DPYD: variants seen among roughly 807,000 people sequenced by gnomAD.
DPYD encodes the protein dihydropyrimidine dehydrogenase [NADP(+)].
A neutral mutation model predicts 116.2 loss-of-function variants in DPYD; 109 were observed. That is an observed-to-expected ratio of 0.94 (90% CI 0.80 to 1.10). The LOEUF (loss-of-function observed/expected upper bound fraction) is 1.10. DPYD is among the 50% of genes least tolerant of loss of function. The probability of loss-of-function intolerance (pLI) is 0.00; values close to 1 mark genes in which losing one functional copy is unlikely to be tolerated. For synonymous variants in DPYD, 440 were observed against 432.0 expected, an observed-to-expected ratio of 1.02 and a Z score of -0.23; for missense variants, 1,302 against 1,254.5, an observed-to-expected ratio of 1.04 and a Z score of -0.57.
At chr1:97,308,329 T>C (rs529272492) in intron 16 of DPYD, 3 of 151,950 alleles carry the variant, frequency 2.0e-5, no homozygotes, top group African/African-American at 7.2e-5. Context: ...ATGAGTAAAT[T>C]TGACCCTCCA....
At chr1:97,116,063 G>C (rs1291599804) in intron 20 of DPYD, among the ~76,000 whole-genome samples, 6 of 152,092 alleles carry the variant, frequency 3.9e-5, no homozygotes, top group Non-Finnish European at 8.8e-5. Flanking sequence ...TATAATGTTA[G>C]CTTTTATTAG....
At position 97,689,037 on chromosome 1, in the gene DPYD, G is replaced by A. The variant is rs1229825324; in HGVS notation, c.762+2680C>T. On this transcript the variant is annotated intron_variant, in intron 7 of 22. Transcript: ENST00000370192. ...ATATGATTAAAAATCCCATTTCAGA[G>A]ACAAGAAAAAGAATTCCATGTATTA... is the stretch of plus-strand genomic sequence containing the variant. Among the ~76,000 whole-genome samples the A allele has an allele frequency of 2.0e-5, 3 of 147,548 alleles. No individual in the cohort carries two copies. The South Asian group carries it at 6.4e-4, about 32-fold the overall frequency.
At chr1:97,355,511 CCTGT>C (rs950194687) in intron 16 of DPYD, among the ~76,000 whole-genome samples, 9 of 152,158 alleles carry the variant, frequency 5.9e-5, no homozygotes, top group Non-Finnish European at 7.4e-5. Context: ...CCTTATTATT[CCTGT>C]CTAATTGAGA....
rs112673052 is a variant in DPYD at position 97,720,482 on chromosome 1, C to T, written c.483+1028G>A. The T allele has an allele frequency of 3.4e-4, 334 of 992,544 alleles. 2 individuals carry two copies. The highest frequency in any genetic ancestry group is 1.2e-4 in the Admixed American group (2 of 16,274). The allele number at this position is 992,544 out of a possible 1,614,324, so 61.5% of individuals were successfully genotyped here. ...ATTTGGTAAGAAAAGAAATTAAATC[C>T]CAGAATTTATTGCAACAATCCACAA... is the stretch of plus-strand genomic sequence containing the variant. On this transcript the variant is annotated intron_variant, in intron 5 of 22. Coordinates refer to ENST00000370192, the MANE Select transcript of DPYD (RefSeq NM_000110.4).
chr1:97,655,557 T>C (rs1362627771), intron 8 of DPYD, among the ~76,000 whole-genome samples: 1 of 152,222 alleles, frequency 6.6e-6, no homozygotes, highest in African/African-American at 2.4e-5. Context: ...GCTTTGCTTT[T>C]GCTTAAACAA....
At chr1:97,792,705 T>C (rs536427155) in intron 3 of DPYD, among the ~76,000 whole-genome samples, 19 of 152,256 alleles carry the variant, frequency 1.2e-4, no homozygotes, top group Middle Eastern at 6.8e-3. Flanking sequence ...CCCATAAAAT[T>C]TCATGAAAAT....
At chr1:97,866,455 A>T (rs762469352) in intron 2 of DPYD, among the ~76,000 whole-genome samples, 6 of 151,920 alleles carry the variant, frequency 3.9e-5, no homozygotes, top group Admixed American at 2.0e-4. Context: ...CATTGATTAG[A>T]TTTGAGATAG....
chr1:97,531,943 A>G (rs1469727508), intron 12 of DPYD, among the ~76,000 whole-genome samples: 2 of 152,090 alleles, frequency 1.3e-5, no homozygotes, highest in African/African-American at 4.8e-5. Flanking sequence ...CAGAAACACA[A>G]CTGCTTTTTG....
intron 8 of DPYD, among the ~76,000 whole-genome samples, chr1:97,637,499 TC>T (rs994640911): frequency 6.7e-5 from 10 of 150,030 alleles, no homozygotes; most frequent in South Asian, 2.1e-4. Flanking sequence ...GGAAAAGTTT[TC>T]CCCCCCTCAA....
intron 3 of DPYD, among the ~76,000 whole-genome samples, chr1:97,749,645 G>A (rs971713903): frequency 9.2e-5 from 14 of 152,208 alleles, no homozygotes; most frequent in African/African-American, 2.4e-4. Flanking sequence ...TAGTTAACAC[G>A]TAGCCATATT....
chr1:97,382,009 T>A (rs1672000117), intron 15 of DPYD, among the ~76,000 whole-genome samples: 1 of 152,208 alleles, frequency 6.6e-6, no homozygotes, highest in South Asian at 2.1e-4. Flanking sequence ...ATTTCTTCTC[T>A]TACTGTCAAA....
At chr1:97,546,878 T>C (rs1650910105) in intron 12 of DPYD, 1 of 1,608,908 alleles carries the variant, frequency 6.2e-7, no homozygotes, top group Non-Finnish European at 8.5e-7. Flanking sequence ...GATACAGCAA[T>C]AGAGGGGGAT....
chr1:97,802,703 G>C (rs1408950892), intron 3 of DPYD, among the ~76,000 whole-genome samples: 1 of 151,756 alleles, frequency 6.6e-6, no homozygotes, highest in African/African-American at 2.4e-5. Flanking sequence ...TCTTGCCTTG[G>C]TTGAACTTTC....
At chr1:97,793,731 A>G (rs1213819669) in intron 3 of DPYD, among the ~76,000 whole-genome samples, 1 of 152,220 alleles carries the variant, frequency 6.6e-6, no homozygotes, top group Non-Finnish European at 1.5e-5. Flanking sequence ...TGTAACCTAG[A>G]GCCAAATGTA....
chr1:97,520,682 G>A (rs574531842), intron 12 of DPYD, among the ~76,000 whole-genome samples: 4 of 151,202 alleles, frequency 2.6e-5, no homozygotes, highest in African/African-American at 9.7e-5. Context: ...GTGTCCATGT[G>A]TTCTCATTGT....
chr1:97,438,546 A>G (rs1464071648), intron 14 of DPYD, among the ~76,000 whole-genome samples: 2 of 152,022 alleles, frequency 1.3e-5, no homozygotes, highest in Non-Finnish European at 2.9e-5. Flanking sequence ...AATTTTTACA[A>G]GCCAATCTTA....
At chr1:97,654,779 CAT>C (rs1425605945) in intron 8 of DPYD, among the ~76,000 whole-genome samples, 1 of 152,114 alleles carries the variant, frequency 6.6e-6, no homozygotes, top group East Asian at 1.9e-4. Flanking sequence ...TGCCGATAAA[CAT>C]ATACCTGAGA....
intron 3 of DPYD, among the ~76,000 whole-genome samples, chr1:97,784,675 C>G (rs562053283): frequency 2.4e-4 from 37 of 152,268 alleles, no homozygotes; most frequent in African/African-American, 8.9e-4. Flanking sequence ...CTACCTCTCT[C>G]CTATTTCCTT....
intron 13 of DPYD, among the ~76,000 whole-genome samples, chr1:97,493,016 T>TGGCTAGACTTGCTGGTTTGATC (rs1369999935): frequency 3.9e-5 from 6 of 152,326 alleles, no homozygotes; most frequent in African/African-American, 1.4e-4. Context: ...AACGTTGGAT[T>TGGCTAGACTTGCTGGTTTGATC]GGCTAGACTT....
Sources: gnomAD v4.1 joint callset for allele counts (sites outside exome capture counted in the v4.1 genomes callset) on GRCh38, gnomAD v4.1.1 for gene constraint, MANE v1.5 for transcripts, NCBI Gene and HGNC (gene_info 2026-07-23, HGNC 2026-07-21) for gene names.